Variants in UBR4 observed in about 807,000 individuals in gnomAD.
UBR4 encodes E3 ubiquitin-protein ligase UBR4.
A neutral mutation model predicts 575.6 loss-of-function variants in UBR4; 124 were observed. That is an observed-to-expected ratio of 0.22 (90% CI 0.19 to 0.25). The LOEUF is 0.25. Ranked by LOEUF, UBR4 falls within the 10% of genes least tolerant of loss-of-function variation. The pLI is 1.00. For missense variants in UBR4, 4,818 were observed against 6,478.8 expected, an observed-to-expected ratio of 0.74 and a Z score of 8.80; for synonymous variants, 2,455 against 2,473.7, an observed-to-expected ratio of 0.99 and a Z score of 0.22.
rs551048531 is a variant in UBR4, at chr1:19,130,238, C to T, written c.8907-1164G>A. 2.0e-4 allele frequency among the ~76,000 whole-genome samples: 31 copies of T among 152,236 alleles called. 1 individual carries two copies. In the South Asian group the frequency reaches 6.2e-3, roughly 31 times the overall value. On this transcript the variant is annotated intron_variant, in intron 60 of 105. Transcript: ENST00000375254. Reference sequence around the variant, plus strand: ...TACTGTCCCCAGCCCAGAATATTTTCAAAGTAATACAAGTCTGGATGAAAG... The same window carrying T: ...TACTGTCCCCAGCCCAGAATATTTTTAAAGTAATACAAGTCTGGATGAAAG...
intron 29 of UBR4, 48 bp downstream of exon 29, chr1:19,166,974 T>A (rs745485489): frequency 1.3e-6 from 2 of 1,596,086 alleles, no homozygotes. Flanking sequence ...ATTTCACTGA[T>A]AGCAGCAGTA....
At position 19,210,137 on chromosome 1, in the gene UBR4, A is replaced by C. The variant is rs781063422; in HGVS notation, c.112T>G (p.Ser38Ala). Residue 38 changes from serine (S) to alanine (A), a missense_variant, in exon 1 of 106, where the codon TCC (serine) becomes GCC (alanine). Ser to Ala is a moderately conservative substitution (Grantham distance 99). Transcript: ENST00000375254. Reference sequence around the variant, plus strand: ...ATCTCGAAGGCGGAGTAGGACGCGGACAGCAGGGGCCGCACAGCCACCTCC... The same window carrying C: ...ATCTCGAAGGCGGAGTAGGACGCGGCCAGCAGGGGCCGCACAGCCACCTCC... The part of the protein sequence containing the change: ...GWEVAVRPLL[S>A]ASYSAFEMKE... 5.0e-6 allele frequency: 8 copies of C among 1,585,248 alleles called. No homozygotes were observed. The South Asian group carries it at 9.1e-5, about 18-fold the overall frequency.
chr1:19,181,633 T>C (rs1201196287), intron 17 of UBR4, among the ~76,000 whole-genome samples: 3 of 152,196 alleles, frequency 2.0e-5, no homozygotes, highest in Non-Finnish European at 4.4e-5. Context: ...TCTATAATAG[T>C]ACCTGGCACA....
intron 43 of UBR4, 78 bp downstream of exon 43, chr1:19,155,363 A>G (rs1342642765): frequency 3.5e-6 from 5 of 1,415,202 alleles, no homozygotes; most frequent in Non-Finnish European, 4.8e-6. Flanking sequence ...ATGTTATAAA[A>G]GAACAAAGAA....
chr1:19,148,335 G>A (rs1174751976), intron 50 of UBR4, among the ~76,000 whole-genome samples: 2 of 152,132 alleles, frequency 1.3e-5, no homozygotes, highest in Non-Finnish European at 2.9e-5. Context: ...ATGATTCCCA[G>A]AACAGTGTTC....
intron 103 of UBR4, chr1:19,079,455 A>G (rs918137369): frequency 2.0e-5 from 3 of 152,214 alleles, no homozygotes; most frequent in Non-Finnish European, 4.4e-5. Context: ...GGCAGACAAG[A>G]TAACAGATCA....
chr1:19,190,886 T>C (rs2151419415), intron 11 of UBR4, among the ~76,000 whole-genome samples: 1 of 152,266 alleles, frequency 6.6e-6, no homozygotes. Flanking sequence ...ATAAATCAGG[T>C]TGCATCTCTC....
At position 19,089,892 on chromosome 1, in the gene UBR4, C is replaced by T. The variant is rs1456514597; in HGVS notation, c.14212-915G>A. ...TGCTGAGCCCATATTTCAACTCCTA[C>T]TGAGCTTTTCCACAGGTACCCCAAA... On this transcript the variant is annotated intron_variant, in intron 97 of 105. Coordinates refer to ENST00000375254, the MANE Select transcript of UBR4 (RefSeq NM_020765.3). This position sits in a 1 kb window ranked among gnomAD's most constrained non-coding sequence, Gnocchi z 4.3. 6.6e-6 allele frequency among the ~76,000 whole-genome samples: 1 copy of T among 152,246 alleles called. No individual in the cohort carries two copies. The highest frequency in any genetic ancestry group is 1.9e-4 in the East Asian group (1 of 5,200).
At chr1:19,191,097 C>T (rs1380614784) in intron 11 of UBR4, among the ~76,000 whole-genome samples, 1 of 152,202 alleles carries the variant, frequency 6.6e-6, no homozygotes, top group Non-Finnish European at 1.5e-5. Context: ...ACTTACATAG[C>T]TCTGTCACTT....
Position 19,141,534 on chromosome 1 carries a change from G to C in UBR4, c.8311-10C>G. ...GGACCATCGACTCAGACTGCAGAGA[G>C]AAAGCTCTGTCAGTGTCCCATGGTA... is the stretch of plus-strand genomic sequence containing the variant. On this transcript the variant is annotated splice_polypyrimidine_tract_variant and intron_variant, in intron 56 of 105. Coordinates refer to ENST00000375254, the MANE Select transcript of UBR4 (RefSeq NM_020765.3). 3.1e-6 allele frequency: 5 copies of C among 1,601,478 alleles called. No homozygotes were observed. Among genetic ancestry groups the C allele is most frequent in the Non-Finnish European group, 4.3e-6 (5 of 1,173,582 alleles).
chr1:19,153,986 A>T lies in UBR4; in HGVS notation c.6459-47T>A. 2 of 1,589,706 alleles carry T rather than the reference A, an allele frequency of 1.3e-6. No individual in the cohort carries two copies. Among genetic ancestry groups the T allele is most frequent in the Non-Finnish European group, 1.7e-6 (2 of 1,166,786 alleles). On this transcript the variant is annotated intron_variant, in intron 44 of 105. Transcript: ENST00000375254. The surrounding 1 kb of genome is among the most constrained non-coding windows in gnomAD (Gnocchi z 4.1). ...ACAGTTAGAGTGTCAGTCACCATTT[A>T]ATAGTTCTTTTCTTGACCTAAAAAC...
In UBR4 at chr1:19,121,283, T is replaced by C. The variant is rs746272651; in HGVS notation, c.10047A>G (p.Ser3349=). Residue 3349 remains serine, a synonymous_variant, in exon 68 of 106, where the codon TCA becomes TCG. Coordinates refer to ENST00000375254, the MANE Select transcript of UBR4 (RefSeq NM_020765.3). ...GTCCAGAACTGGCAGCCACAGGGGCTGAGGAGGAAGAAGCACTGGAGGATC... is the reference window on the plus strand; with the variant it reads ...GTCCAGAACTGGCAGCCACAGGGGCCGAGGAGGAAGAAGCACTGGAGGATC... The part of the protein sequence containing the change: ...SSGSSSASSS[S]APVAASSGQA... 2 of 1,614,188 alleles carry C rather than the reference T, an allele frequency of 1.2e-6. No homozygotes were observed. The highest frequency in any genetic ancestry group is 1.7e-6 in the Non-Finnish European group (2 of 1,180,028).
intron 17 of UBR4, 57 bp from the exon 18 acceptor site, chr1:19,179,277 A>G: frequency 6.9e-7 from 1 of 1,457,878 alleles, no homozygotes; most frequent in Non-Finnish European, 9.0e-7. Flanking sequence ...TAAAGTCAAA[A>G]GGTTACTCAT....
chr1:19,201,946 G>T, intron 1 of UBR4, 131 bp from the exon 2 acceptor site: 2 of 740,760 alleles, frequency 2.7e-6, no homozygotes, highest in Non-Finnish European at 4.2e-6. Context: ...TCCCCTTCAA[G>T]ACTGGGAAAG....
At chr1:19,196,157 T>C (rs747533089) in intron 8 of UBR4, among the ~76,000 whole-genome samples, 10 of 152,196 alleles carry the variant, frequency 6.6e-5, no homozygotes, top group Non-Finnish European at 1.5e-4. Flanking sequence ...CTTTCTCAAC[T>C]GAAAGTGAGC....
At chr1:19,076,245 C>A (rs1004422685) in intron 105 of UBR4, among the ~76,000 whole-genome samples, 3 of 152,242 alleles carry the variant, frequency 2.0e-5, no homozygotes, top group Admixed American at 6.5e-5. Context: ...CAGTTCAGAG[C>A]GGCCCTGCTG....
intron 49 of UBR4, 79 bp from the exon 50 acceptor site, chr1:19,148,705 T>C (rs931848267): frequency 6.6e-7 from 1 of 1,513,164 alleles, no homozygotes; most frequent in Admixed American, 1.7e-5. Flanking sequence ...ACTATAGTCA[T>C]GAGGACCTTG....
chr1:19,199,430 A>G (rs893987679), intron 3 of UBR4, among the ~76,000 whole-genome samples: 10 of 152,218 alleles, frequency 6.6e-5, no homozygotes, highest in Non-Finnish European at 1.0e-4. Flanking sequence ...TTGTAAATAA[A>G]GTTTACTGGA....
chr1:19,151,862 G>A lies in UBR4; in HGVS notation c.6997-3C>T. 2 of 1,577,914 alleles carry A rather than the reference G, an allele frequency of 1.3e-6. No homozygotes were observed. The highest frequency in any genetic ancestry group is 3.6e-5 in the Admixed American group (2 of 54,884). ...ATCTCAATGGTGAAGCCTCCGGGCT[G>A]TAGGGAGACAAGGCACACATCAAGA... On this transcript the variant is annotated splice_polypyrimidine_tract_variant and splice_region_variant and intron_variant, in intron 47 of 105. Transcript: ENST00000375254.
Sources: allele counts gnomAD v4.1 joint callset (sites outside exome capture counted in the v4.1 genomes callset), GRCh38; gene constraint gnomAD v4.1.1; non-coding constraint Gnocchi (gnomAD v3.1); transcripts MANE v1.5; gene names NCBI Gene and HGNC (gene_info 2026-07-23, HGNC 2026-07-21).